Variants in PLXNA4 observed in about 807,000 individuals in gnomAD.
PLXNA4 encodes plexin A4, also known as plexin-A4.
In PLXNA4, 44 loss-of-function variants were observed where a neutral mutation model predicts 191.8. The ratio of observed to expected loss-of-function variants is 0.23; its 90% CI spans 0.18 to 0.29. The LOEUF (loss-of-function observed/expected upper bound fraction) is 0.29, where lower values mean the gene tolerates loss of function less well. Ranked by LOEUF, PLXNA4 falls within the 10% of genes least tolerant of loss-of-function variation. The pLI, the probability that PLXNA4 is intolerant of heterozygous loss-of-function variation, is 1.00. For missense variants in PLXNA4, 1,800 were observed against 2,488.8 expected, an observed-to-expected ratio of 0.72 and a Z score of 5.89; for synonymous variants, 1,082 against 1,009.5, an observed-to-expected ratio of 1.07 and a Z score of -1.36.
chr7:132,340,332 C>T (rs1215654702), intron 3 of PLXNA4, among the ~76,000 whole-genome samples: 1 of 152,182 alleles, frequency 6.6e-6, no homozygotes, highest in Non-Finnish European at 1.5e-5. Flanking sequence ...AAACAAGATA[C>T]AGAGGATGTG....
intron 21 of PLXNA4, among the ~76,000 whole-genome samples, chr7:132,170,399 A>G (rs1378615897): frequency 1.3e-5 from 2 of 152,184 alleles, no homozygotes; most frequent in Non-Finnish European, 2.9e-5. Context: ...TCCAGGGACC[A>G]TGATGTAAAC....
intron 3 of PLXNA4, among the ~76,000 whole-genome samples, chr7:132,475,008 G>C (rs1184719841): frequency 6.6e-6 from 1 of 152,146 alleles, no homozygotes; most frequent in Non-Finnish European, 1.5e-5. Flanking sequence ...CATACGTGTG[G>C]ATAAAGAATT....
intron 5 of PLXNA4, among the ~76,000 whole-genome samples, chr7:132,229,584 G>A (rs999684439): frequency 6.6e-6 from 1 of 152,152 alleles, no homozygotes; most frequent in Non-Finnish European, 1.5e-5. Context: ...AGACAGCAGG[G>A]AAATCACTCC....
chr7:132,577,274 CG>C (rs1391864827), upstream of PLXNA4: 2 of 152,146 alleles, frequency 1.3e-5, no homozygotes, highest in Non-Finnish European at 2.9e-5. Context: ...CCGGAGCTCC[CG>C]GGCTGCCTGC....
intron 26 of PLXNA4, 100 bp from the exon 27 acceptor site, chr7:132,148,099 G>T: frequency 6.4e-7 from 1 of 1,571,658 alleles, no homozygotes; most frequent in Non-Finnish European, 8.7e-7. Context: ...GGAAATTGGT[G>T]CCTTGCTGGA....
At chr7:132,469,386 ACT>A (rs1029369985) in intron 3 of PLXNA4, among the ~76,000 whole-genome samples, 23 of 152,252 alleles carry the variant, frequency 1.5e-4, no homozygotes, top group African/African-American at 4.8e-4. Context: ...GTAGTTGCTC[ACT>A]GTTTTCTCAT....
At chr7:132,620,752 C>A (rs1319632917) in intron 2 of PLXNA4, among the ~76,000 whole-genome samples, 1 of 152,202 alleles carries the variant, frequency 6.6e-6, no homozygotes, top group Admixed American at 6.5e-5. Context: ...AAAGCCCTTT[C>A]CACATCCGCT....
At chr7:132,157,510 A>C (rs1311661635) in intron 25 of PLXNA4, among the ~76,000 whole-genome samples, 4 of 152,164 alleles carry the variant, frequency 2.6e-5, no homozygotes, top group Admixed American at 1.3e-4. Flanking sequence ...CTCCATGGGA[A>C]ATCACCTATT....
intron 3 of PLXNA4, among the ~76,000 whole-genome samples, chr7:132,433,183 T>C (rs575540396): frequency 6.6e-6 from 1 of 152,160 alleles, no homozygotes; most frequent in South Asian, 2.1e-4. Context: ...GAGTAAAACT[T>C]GGGGGGAAAA....
intron 3 of PLXNA4, among the ~76,000 whole-genome samples, chr7:132,368,727 C>G (rs1376675227): frequency 6.6e-6 from 1 of 152,198 alleles, no homozygotes; most frequent in African/African-American, 2.4e-5. Context: ...GAAGAACTGA[C>G]AAGCAGACGT....
At chr7:132,259,999 A>C (rs927794632) in intron 4 of PLXNA4, among the ~76,000 whole-genome samples, 1 of 152,146 alleles carries the variant, frequency 6.6e-6, no homozygotes, top group African/African-American at 2.4e-5. Context: ...ATTATTAAAA[A>C]GACAAAAAAT....
intron 2 of PLXNA4, among the ~76,000 whole-genome samples, chr7:132,613,913 G>A (rs1032270100): frequency 2.0e-5 from 3 of 152,192 alleles, no homozygotes; most frequent in African/African-American, 7.2e-5. Context: ...CTGCCTGTGG[G>A]CGTGGGGCTT....
chr7:132,362,134 AT>A (rs1023741487), intron 3 of PLXNA4, among the ~76,000 whole-genome samples: 22 of 152,304 alleles, frequency 1.4e-4, no homozygotes, highest in Non-Finnish European at 2.6e-4. Flanking sequence ...CACTTAAGTC[AT>A]AAGACCATTT....
At chr7:132,610,731 A>T (rs1228636744) in intron 2 of PLXNA4, among the ~76,000 whole-genome samples, 1 of 152,202 alleles carries the variant, frequency 6.6e-6, no homozygotes, top group Non-Finnish European at 1.5e-5. Flanking sequence ...ATCTGAAGGA[A>T]TCCTTTCCAT....
At chr7:132,146,759 C>CT in intron 27 of PLXNA4, 59 bp from the exon 28 acceptor site, 1 of 1,590,304 alleles carries the variant, frequency 6.3e-7, no homozygotes, top group East Asian at 2.2e-5. Context: ...TAGCCCATCA[C>CT]TTACCATGCA....
chr7:132,414,757 G>T (rs758787620), intron 3 of PLXNA4, among the ~76,000 whole-genome samples: 4 of 152,124 alleles, frequency 2.6e-5, no homozygotes, highest in Non-Finnish European at 5.9e-5. Flanking sequence ...ACTGGCAAGA[G>T]GCGTACGTAT....
chr7:132,133,622 T>A (rs1563049382), intron 30 of PLXNA4, among the ~76,000 whole-genome samples: 1 of 152,154 alleles, frequency 6.6e-6, no homozygotes, highest in Non-Finnish European at 1.5e-5. Flanking sequence ...TCTTCTCTGA[T>A]GTCCTCCACT....
At chr7:132,415,737 CA>C (rs1794637522) in intron 3 of PLXNA4, among the ~76,000 whole-genome samples, 1 of 152,150 alleles carries the variant, frequency 6.6e-6, no homozygotes, top group Non-Finnish European at 1.5e-5. Flanking sequence ...AGCAAACCCA[CA>C]AGGTAGGACT....
At chr7:132,578,621 A>G (rs79901251), upstream of PLXNA4, among the ~76,000 whole-genome samples, 4,915 of 152,240 alleles carry the variant, frequency 0.032, 239 homozygotes, top group African/African-American at 0.1. Flanking sequence ...AGCGGCACAT[A>G]TAGGTCAGGC....
Sources: gnomAD v4.1 joint callset for allele counts (sites outside exome capture counted in the v4.1 genomes callset) on GRCh38, gnomAD v4.1.1 for gene constraint, MANE v1.5 for transcripts, NCBI Gene and HGNC (gene_info 2026-07-23, HGNC 2026-07-21) for gene names.